The following KHDRBS2 variants were observed in gnomAD, a reference collection of about 807,000 sequenced individuals.
The protein encoded by KHDRBS2 is KH RNA binding domain containing, signal transduction associated 2.
KHDRBS2 carries 26 observed loss-of-function variants against 44.3 expected under a neutral mutation model. The observed-to-expected ratio is 0.59, with a 90% CI of 0.43 to 0.81. KHDRBS2 has a LOEUF of 0.81. Ranked by LOEUF, KHDRBS2 falls within the 40% of genes least tolerant of loss-of-function variation. The probability of loss-of-function intolerance (pLI) is 0.00; values close to 1 mark genes in which losing one functional copy is unlikely to be tolerated. For synonymous variants in KHDRBS2, 194 were observed against 151.1 expected (o/e 1.28, Z -2.08); for missense variants, 476 against 433.1 (o/e 1.10, Z -0.88).
At chr6:62,032,517 C>CTTAATAA (rs1487136727) in intron 3 of KHDRBS2, among the ~76,000 whole-genome samples, 5 of 150,092 alleles carry the variant, frequency 3.3e-5, no homozygotes, top group African/African-American at 1.2e-4. Flanking sequence ...TTAATAAACT[C>CTTAATAA]CCATATATAT....
chr6:61,917,758 C>G (rs1807292781), intron 4 of KHDRBS2, among the ~76,000 whole-genome samples: 1 of 151,830 alleles, frequency 6.6e-6, no homozygotes, highest in South Asian at 2.1e-4. Context: ...GATCTCTTTA[C>G]CTTCCTGTCA....
intron 6 of KHDRBS2, among the ~76,000 whole-genome samples, chr6:61,742,122 AC>A (rs1776220746): frequency 6.6e-6 from 1 of 151,994 alleles, no homozygotes; most frequent in Admixed American, 6.6e-5. Context: ...GTCACCAAAA[AC>A]TAAAATGCTA....
the KHDRBS2 span, among the ~76,000 whole-genome samples, chr6:61,567,683 C>G: frequency 6.9e-6 from 1 of 144,262 alleles, no homozygotes; most frequent in Non-Finnish European, 1.5e-5. Context: ...TTTTCTTTCT[C>G]TCCCTCCTTT....
chr6:62,124,615 A>ACACACG (rs1262259127), intron 2 of KHDRBS2, among the ~76,000 whole-genome samples: 30 of 151,846 alleles, frequency 2.0e-4, no homozygotes, highest in African/African-American at 7.2e-4. Context: ...ACACACACAC[A>ACACACG]CACACCACCT....
chr6:61,813,668 G>A (rs746242566), intron 6 of KHDRBS2, among the ~76,000 whole-genome samples: 10 of 152,240 alleles, frequency 6.6e-5, no homozygotes, highest in Non-Finnish European at 1.0e-4. Context: ...CTTGCATAGT[G>A]TAGTTTCCAT....
intron 4 of KHDRBS2, among the ~76,000 whole-genome samples, chr6:61,944,068 G>A (rs1190844517): frequency 6.6e-6 from 1 of 152,170 alleles, no homozygotes; most frequent in Non-Finnish European, 1.5e-5. Flanking sequence ...CTACTGGTAG[G>A]AATGTAAATT....
At chr6:62,172,721 C>T (rs906633153) in intron 2 of KHDRBS2, among the ~76,000 whole-genome samples, 2 of 71,114 alleles carry the variant, frequency 2.8e-5, no homozygotes, top group Admixed American at 1.2e-4. Context: ...AAAAAAAAAC[C>T]TGGAATCATA....
At chr6:61,574,895 C>T in the KHDRBS2 span, among the ~76,000 whole-genome samples, 4,913 of 151,974 alleles carry the variant, frequency 0.032, 106 homozygotes, top group Non-Finnish European at 0.05. Flanking sequence ...GCAACAAGGG[C>T]GAAATACCAT....
the KHDRBS2 span, among the ~76,000 whole-genome samples, chr6:61,641,450 T>C: frequency 8.5e-5 from 13 of 152,162 alleles, no homozygotes; most frequent in Admixed American, 8.5e-4. Flanking sequence ...AAATACTCTG[T>C]ACTTTTGGGT....
At chr6:61,642,064 G>A in the KHDRBS2 span, among the ~76,000 whole-genome samples, 4,360 of 152,052 alleles carry the variant, frequency 0.029, 206 homozygotes, top group African/African-American at 0.099. Context: ...ACATGTCTAC[G>A]GAGCTCTAGA....
At chr6:61,850,442 C>T (rs576907036) in intron 6 of KHDRBS2, among the ~76,000 whole-genome samples, 18 of 152,178 alleles carry the variant, frequency 1.2e-4, no homozygotes, top group East Asian at 5.8e-4. Flanking sequence ...ATAATTAGCA[C>T]GGAGAAAGTT....
At chr6:61,687,396 TCAACCCTAAAATCTTAC>T in intron 8 of KHDRBS2, among the ~76,000 whole-genome samples, 1 of 151,806 alleles carries the variant, frequency 6.6e-6, no homozygotes, top group Non-Finnish European at 1.5e-5. Flanking sequence ...AACTCCATTC[TCAACCCTAAAATCTTAC>T]CATGCACATG....
intron 1 of KHDRBS2, among the ~76,000 whole-genome samples, chr6:62,223,002 C>A (rs1404782219): frequency 6.6e-6 from 1 of 152,156 alleles, no homozygotes; most frequent in Non-Finnish European, 1.5e-5. Flanking sequence ...GTCTGGAGGA[C>A]AGTGACCCTC....
At chr6:61,557,116 C>A in the KHDRBS2 span, among the ~76,000 whole-genome samples, 1 of 151,990 alleles carries the variant, frequency 6.6e-6, no homozygotes, top group African/African-American at 2.4e-5. Flanking sequence ...AGTCTTGGGA[C>A]CCCAGAGATC....
the KHDRBS2 span, among the ~76,000 whole-genome samples, chr6:61,597,563 T>C: frequency 2.7e-5 from 4 of 150,796 alleles, no homozygotes; most frequent in African/African-American, 7.3e-5. Context: ...AACCATTGAA[T>C]GGAGAAAGTA....
chr6:62,052,253 A>G (rs1274171512), intron 2 of KHDRBS2, among the ~76,000 whole-genome samples: 1 of 152,060 alleles, frequency 6.6e-6, no homozygotes, highest in African/African-American at 2.4e-5. Context: ...CTGACAGACA[A>G]ATGGATAAAG....
chr6:61,733,603 GA>G (rs71685251), intron 6 of KHDRBS2, among the ~76,000 whole-genome samples: 28,950 of 118,826 alleles, frequency 0.24, 2,809 homozygotes, highest in Non-Finnish European at 0.27. Flanking sequence ...TCTCAAAAAA[GA>G]AAAAAAAAAA....
chr6:62,021,120 G>A (rs1342926735), intron 3 of KHDRBS2, among the ~76,000 whole-genome samples: 2 of 151,820 alleles, frequency 1.3e-5, no homozygotes, highest in African/African-American at 2.4e-5. Flanking sequence ...TTAGCAAAAC[G>A]ACAAGAACAG....
intron 4 of KHDRBS2, among the ~76,000 whole-genome samples, chr6:61,976,404 G>A (rs1383169832): frequency 6.6e-6 from 1 of 152,068 alleles, no homozygotes; most frequent in Admixed American, 6.6e-5. Context: ...CAAGCGAGAT[G>A]TATTACTGAC....
Sources: gnomAD v4.1 joint callset for allele counts (sites outside exome capture counted in the v4.1 genomes callset) on GRCh38, gnomAD v4.1.1 for gene constraint, MANE v1.5 for transcripts, NCBI Gene and HGNC (gene_info 2026-07-23, HGNC 2026-07-21) for gene names.